TPST1: variants seen among roughly 807,000 people sequenced by gnomAD.
The protein encoded by TPST1 is tyrosylprotein sulfotransferase 1, also known as protein-tyrosine sulfotransferase 1.
TPST1 carries 20 observed loss-of-function variants against 34.8 expected under a neutral mutation model. The observed-to-expected ratio is 0.57, with a 90% CI of 0.40 to 0.84. The LOEUF (loss-of-function observed/expected upper bound fraction) is 0.84, where lower values mean the gene tolerates loss of function less well. Among genes scored for constraint, TPST1 ranks in the 40% least tolerant of loss-of-function variants. TPST1 has a pLI of 0.00. For synonymous variants in TPST1, 152 were observed against 159.4 expected (o/e 0.95, Z 0.35); for missense variants, 353 against 455.5 (o/e 0.78, Z 2.05).
chr7:66,285,318 T>C (rs1389100942), intron 2 of TPST1, among the ~76,000 whole-genome samples: 1 of 152,100 alleles, frequency 6.6e-6, no homozygotes, highest in African/African-American at 2.4e-5. Context: ...AGGATGTTCT[T>C]TACACAGTTT....
chr7:66,222,131 C>T (rs534011638), intron 1 of TPST1, among the ~76,000 whole-genome samples: 107 of 152,320 alleles, frequency 7.0e-4, no homozygotes, highest in Non-Finnish European at 1.2e-3. Flanking sequence ...CGCCTGTAAT[C>T]CCAGCACTTT....
chr7:66,355,021 T>C (rs1335649145), intron 4 of TPST1, among the ~76,000 whole-genome samples: 1 of 152,046 alleles, frequency 6.6e-6, no homozygotes, highest in Non-Finnish European at 1.5e-5. Flanking sequence ...GAACCATCTT[T>C]ATGACCATAA....
chr7:66,322,650 C>T (rs1438612252), intron 3 of TPST1, among the ~76,000 whole-genome samples: 1 of 152,324 alleles, frequency 6.6e-6, no homozygotes, highest in Middle Eastern at 3.4e-3. Flanking sequence ...ATTTGGGTTG[C>T]TTCCATTTCT....
At chr7:66,255,391 G>C (rs1050469627) in intron 2 of TPST1, among the ~76,000 whole-genome samples, 2 of 152,120 alleles carry the variant, frequency 1.3e-5, no homozygotes, top group Non-Finnish European at 2.9e-5. Context: ...GTATTTTAAA[G>C]GGAATGCCTT....
intron 2 of TPST1, among the ~76,000 whole-genome samples, chr7:66,246,221 G>T (rs934828676): frequency 6.0e-5 from 8 of 132,514 alleles, no homozygotes; most frequent in African/African-American, 5.8e-5. Flanking sequence ...TGGAGACAGG[G>T]TCTCACTATG....
chr7:66,307,751 A>G (rs1584226656), intron 3 of TPST1, among the ~76,000 whole-genome samples: 2 of 152,202 alleles, frequency 1.3e-5, no homozygotes, highest in East Asian at 3.9e-4. Context: ...CACTGAGCAC[A>G]TGCATGACCT....
chr7:66,308,693 C>G (rs1268185795), intron 3 of TPST1, among the ~76,000 whole-genome samples: 3 of 152,136 alleles, frequency 2.0e-5, no homozygotes, highest in African/African-American at 7.2e-5. Context: ...TCTCTGACAG[C>G]CTTTCCCATT....
At chr7:66,333,681 T>C (rs972827103) in intron 3 of TPST1, among the ~76,000 whole-genome samples, 4 of 152,234 alleles carry the variant, frequency 2.6e-5, no homozygotes, top group African/African-American at 9.6e-5. Flanking sequence ...ATTTGTTTTC[T>C]AATAGTAGTT....
intron 2 of TPST1, among the ~76,000 whole-genome samples, chr7:66,273,668 T>C (rs762300461): frequency 6.6e-6 from 1 of 151,936 alleles, no homozygotes; most frequent in Admixed American, 6.6e-5. Context: ...GAATACACAA[T>C]AGGGAAAAGA....
intron 3 of TPST1, among the ~76,000 whole-genome samples, chr7:66,328,823 C>CCT (rs1228077085): frequency 5.2e-5 from 7 of 133,832 alleles, no homozygotes; most frequent in Non-Finnish European, 7.9e-5. Flanking sequence ...GGGATCCCAG[C>CCT]CTCTCTCTCT....
At chr7:66,283,719 C>T (rs1003770935) in intron 2 of TPST1, among the ~76,000 whole-genome samples, 1 of 152,194 alleles carries the variant, frequency 6.6e-6, no homozygotes, top group African/African-American at 2.4e-5. Context: ...TAGATGCTAA[C>T]CCTTGCCTTA....
rs566079133 is a variant in TPST1, at chr7:66,330,322, A to T, written c.1045-22183A>T. 3.9e-5 allele frequency among the ~76,000 whole-genome samples: 6 copies of T among 152,296 alleles called. No individual in the cohort carries two copies. In the South Asian group the frequency reaches 1.2e-3, roughly 32 times the overall value. On this transcript the variant is annotated intron_variant, in intron 3 of 5. Coordinates refer to ENST00000304842, the MANE Select transcript of TPST1 (RefSeq NM_003596.4). ...AAGGGGCTCTGAAGATGGGAAGCAG[A>T]ATAAGTGTAGGAAATGTGAGCTTGC... is the stretch of plus-strand genomic sequence containing the variant.
intron 2 of TPST1, among the ~76,000 whole-genome samples, chr7:66,281,956 C>T (rs558853117): frequency 9.2e-5 from 14 of 152,270 alleles, no homozygotes; most frequent in Admixed American, 1.3e-4. Flanking sequence ...CTGCCACAGA[C>T]GGAAGGAAGC....
At chr7:66,294,374 G>A (rs1181965209) in intron 3 of TPST1, among the ~76,000 whole-genome samples, 2 of 140,664 alleles carry the variant, frequency 1.4e-5, no homozygotes, top group African/African-American at 3.2e-5. Flanking sequence ...CCATATAACC[G>A]TATCATGTTT....
At chr7:66,285,049 A>T (rs1791007476) in intron 2 of TPST1, among the ~76,000 whole-genome samples, 1 of 152,166 alleles carries the variant, frequency 6.6e-6, no homozygotes, top group African/African-American at 2.4e-5. Flanking sequence ...CTCTTCACTT[A>T]TTCCTTATTA....
At chr7:66,252,813 G>A (rs536496809) in intron 2 of TPST1, among the ~76,000 whole-genome samples, 2 of 152,126 alleles carry the variant, frequency 1.3e-5, no homozygotes, top group African/African-American at 4.8e-5. Flanking sequence ...CATAAAAATA[G>A]TTTCCCATGT....
chr7:66,275,383 C>A (rs1168413298), intron 2 of TPST1, among the ~76,000 whole-genome samples: 1 of 151,888 alleles, frequency 6.6e-6, no homozygotes, highest in Non-Finnish European at 1.5e-5. Flanking sequence ...AGGTATGTAC[C>A]CAAAGGAATT....
intron 5 of TPST1, 129 bp from the exon 6 acceptor site, chr7:66,359,766 C>T (rs1792654877): frequency 2.4e-6 from 1 of 415,886 alleles, no homozygotes; most frequent in Admixed American, 2.5e-5. Context: ...CCTCCTGGCC[C>T]CTGATCTGCA....
intron 1 of TPST1, among the ~76,000 whole-genome samples, chr7:66,210,552 G>T (rs1789221941): frequency 6.6e-6 from 1 of 152,218 alleles, no homozygotes; most frequent in Non-Finnish European, 1.5e-5. Context: ...GCCAGACCTT[G>T]TTACTTTAAA....
Sources: gnomAD v4.1 joint callset for allele counts (sites outside exome capture counted in the v4.1 genomes callset) on GRCh38, gnomAD v4.1.1 for gene constraint, MANE v1.5 for transcripts, NCBI Gene and HGNC (gene_info 2026-07-23, HGNC 2026-07-21) for gene names.